Variants in RARB observed in about 807,000 individuals in gnomAD.
RARB encodes the protein retinoic acid receptor beta, also known as HBV-activated protein.
Under a neutral mutation model 51.9 loss-of-function variants are expected in RARB, and 17 were observed. The observed-to-expected ratio is 0.33, with a 90% CI of 0.22 to 0.49. The LOEUF is 0.49. Ranked by LOEUF, RARB falls within the 20% of genes least tolerant of loss-of-function variation. The pLI is 0.99. For synonymous variants in RARB, 215 were observed against 195.4 expected (o/e 1.10, Z -0.84); for missense variants, 369 against 550.8 (o/e 0.67, Z 3.30).
chr3:24,909,923 C>A (rs767330378), intron 2 of RARB, among the ~76,000 whole-genome samples: 19 of 152,124 alleles, frequency 1.2e-4, no homozygotes, highest in Non-Finnish European at 1.9e-4. Context: ...TTATTCTCCA[C>A]AGTAAAGTGT....
At chr3:25,527,254 A>G (rs183734570) in intron 3 of RARB, among the ~76,000 whole-genome samples, 13 of 152,302 alleles carry the variant, frequency 8.5e-5, no homozygotes, top group Non-Finnish European at 1.5e-5. Context: ...AAGTGGCTAG[A>G]TGGCAAATAT....
exon 2 of RARB, chr3:24,858,750 G>C (rs551994547): frequency 6.6e-6 from 1 of 152,124 alleles, no homozygotes; most frequent in Non-Finnish European, 1.5e-5. Context: ...CTTCAGCAAG[G>C]AGGTACGTTC....
intron 5 of RARB, among the ~76,000 whole-genome samples, chr3:25,177,792 G>T (rs1312812381): frequency 6.6e-6 from 1 of 152,122 alleles, no homozygotes; most frequent in Non-Finnish European, 1.5e-5. Flanking sequence ...AGTTGTCCTT[G>T]ATGCTATATC....
chr3:24,957,548 A>AT lies in RARB; in HGVS notation c.-380+98798dup, dbSNP rs939311370. On this transcript the variant is annotated intron_variant, in intron 2 of 11. Coordinates refer to the RARB transcript ENST00000383772. ...CCAGAATTGTGAAGAAGAAGAAAAGATTGTTCTCAGTAAAGCTATGATTAT... is the reference window on the plus strand; with the variant it reads ...CCAGAATTGTGAAGAAGAAGAAAAGATTTGTTCTCAGTAAAGCTATGATTAT... Among the ~76,000 whole-genome samples, 128 of 152,328 alleles carry AT rather than the reference A, an allele frequency of 8.4e-4. 1 individual carries two copies. The highest frequency in any genetic ancestry group is 2.9e-3 in the African/African-American group (120 of 41,564).
chr3:25,353,924 CATAAT>C (rs1458857048), intron 5 of RARB, among the ~76,000 whole-genome samples: 1 of 152,040 alleles, frequency 6.6e-6, no homozygotes, highest in Non-Finnish European at 1.5e-5. Flanking sequence ...TTGCAAATCT[CATAAT>C]ATAAAGTGCA....
At chr3:25,108,720 T>C (rs1699552105) in intron 3 of RARB, among the ~76,000 whole-genome samples, 2 of 152,108 alleles carry the variant, frequency 1.3e-5, no homozygotes, top group South Asian at 4.3e-4. Context: ...AAAGCTATTT[T>C]TTCTTGATGT....
chr3:25,447,272 C>G (rs1559407121), intron 1 of RARB, among the ~76,000 whole-genome samples: 1 of 151,876 alleles, frequency 6.6e-6, no homozygotes, highest in African/African-American at 2.4e-5. Flanking sequence ...GTACTGGACA[C>G]TCTTTTAGCC....
Position 25,114,831 on chromosome 3 carries a change from A to G in RARB, c.-327-17330A>G, listed in dbSNP as rs540450210. 5.9e-5 allele frequency among the ~76,000 whole-genome samples: 9 copies of G among 152,298 alleles called. No homozygotes were observed. The South Asian group carries it at 1.7e-3, about 28-fold the overall frequency. ...GATAACAGTGGAACACTCTTTAAAA[A>G]TTACTGCACTATCATTGCTCTTTAT... On this transcript the variant is annotated intron_variant, in intron 3 of 11. Transcript: ENST00000383772.
At chr3:25,279,423 A>G (rs1390545465) in intron 5 of RARB, among the ~76,000 whole-genome samples, 2 of 152,172 alleles carry the variant, frequency 1.3e-5, no homozygotes, top group Admixed American at 6.6e-5. Flanking sequence ...TTTCTTTATC[A>G]TTTGGTTACA....
At chr3:25,311,100 C>A (rs1442321127) in intron 5 of RARB, among the ~76,000 whole-genome samples, 1 of 152,158 alleles carries the variant, frequency 6.6e-6, no homozygotes, top group African/African-American at 2.4e-5. Flanking sequence ...GAGATTAGTG[C>A]AATCAAGGAA....
intron 2 of RARB, among the ~76,000 whole-genome samples, chr3:24,993,791 C>A (rs921486484): frequency 4.6e-5 from 7 of 152,134 alleles, no homozygotes; most frequent in African/African-American, 1.7e-4. Context: ...TTTCACTTAA[C>A]ATATGATCCT....
At chr3:25,173,878 AAC>A (rs1308598080) in intron 4 of RARB, among the ~76,000 whole-genome samples, 1 of 152,206 alleles carries the variant, frequency 6.6e-6, no homozygotes, top group Non-Finnish European at 1.5e-5. Context: ...ATAGTCAAAT[AAC>A]ACAGGAGTGG....
At chr3:25,467,653 A>C (rs1695496504) in intron 2 of RARB, among the ~76,000 whole-genome samples, 1 of 152,194 alleles carries the variant, frequency 6.6e-6, no homozygotes, top group African/African-American at 2.4e-5. Context: ...AATAAACTTC[A>C]CCTCCTAAGG....
At chr3:25,072,068 T>TCTCG (rs1237319723) in intron 3 of RARB, among the ~76,000 whole-genome samples, 1 of 152,244 alleles carries the variant, frequency 6.6e-6, no homozygotes. Flanking sequence ...CTTGAAGGAT[T>TCTCG]CTCGTTTCTG....
rs138159674 is a variant in RARB at position 25,375,318 on chromosome 3, A to T, written c.179-85875A>T. Among the ~76,000 whole-genome samples, 126 of 152,282 alleles carry T rather than the reference A, an allele frequency of 8.3e-4. 1 individual carries two copies. The East Asian group carries it at 0.018, about 22-fold the overall frequency. ...AGGGCTGAATTACCTCATAATGATG[A>T]TCTGTTTTATATCTTGAGGACAGTG... On this transcript the variant is annotated intron_variant, in intron 5 of 11. Coordinates refer to the RARB transcript ENST00000383772.
intron 2 of RARB, among the ~76,000 whole-genome samples, chr3:24,917,500 T>C (rs1438239672): frequency 1.3e-5 from 2 of 152,224 alleles, no homozygotes; most frequent in East Asian, 3.9e-4. Context: ...AATAGTCACT[T>C]CATCAAAGAA....
upstream of RARB, among the ~76,000 whole-genome samples, chr3:25,426,185 A>G (rs780305173): frequency 6.6e-6 from 1 of 152,228 alleles, no homozygotes; most frequent in African/African-American, 2.4e-5. Flanking sequence ...ACAGTGTGTT[A>G]AATGTTTTGT....
At chr3:25,354,878 A>C (rs1326462514) in intron 5 of RARB, among the ~76,000 whole-genome samples, 1 of 71,598 alleles carries the variant, frequency 1.4e-5, no homozygotes, top group Non-Finnish European at 2.6e-5. Flanking sequence ...TTTGTTTGCA[A>C]AGTCTTTTTT....
At chr3:25,588,918 A>G (rs1052320331) in intron 5 of RARB, among the ~76,000 whole-genome samples, 8 of 152,178 alleles carry the variant, frequency 5.3e-5, no homozygotes, top group African/African-American at 1.9e-4. Flanking sequence ...GAAGTCACAC[A>G]CCATCACTTT....
Sources: allele counts gnomAD v4.1 joint callset (sites outside exome capture counted in the v4.1 genomes callset), GRCh38; gene constraint gnomAD v4.1.1; transcripts MANE v1.5; gene names NCBI Gene and HGNC (gene_info 2026-07-23, HGNC 2026-07-21).